Variants in SGK3 observed in about 807,000 individuals in gnomAD.
SGK3 encodes serine/threonine-protein kinase Sgk3.
In SGK3, 47 loss-of-function variants were observed where a neutral mutation model predicts 68.5. The observed-to-expected ratio is 0.69, with a 90% CI of 0.54 to 0.87. The LOEUF is 0.87. Ranked by LOEUF, SGK3 falls within the 40% of genes least tolerant of loss-of-function variation. SGK3 has a pLI of 0.00. For missense variants in SGK3, 479 were observed against 575.5 expected (o/e 0.83, Z 1.72); for synonymous variants, 181 against 189.1 (o/e 0.96, Z 0.35).
chr8:66,790,573 C>A (rs1017337037), intron 1 of SGK3: 1 of 152,212 alleles, frequency 6.6e-6, no homozygotes, highest in Non-Finnish European at 1.5e-5. Flanking sequence ...CCCTAGACAT[C>A]AAACCCTGGG....
chr8:66,734,228 C>CTTTTT (rs529741200), intron 1 of SGK3, among the ~76,000 whole-genome samples: 46 of 104,162 alleles, frequency 4.4e-4, no homozygotes, highest in East Asian at 1.2e-3. Flanking sequence ...CTTTTTCTTT[C>CTTTTT]TTTTTTTTTT....
Position 66,847,188 on chromosome 8 carries a change from TCCAGC to T in SGK3, c.1075-3_1076del. ...TAAGTTTATTTTGCTTTTTTTTTTTTCCAGCCTCCTTTTTATTGCCGAGATGTTGC... is the reference window on the plus strand; with the variant it reads ...TAAGTTTATTTTGCTTTTTTTTTTTTCTCCTTTTTATTGCCGAGATGTTGC... On this transcript the variant is annotated splice_acceptor_variant and splice_polypyrimidine_tract_variant and coding_sequence_variant and intron_variant, in exon 15 of 17. Coordinates refer to ENST00000521198, the MANE Select transcript of SGK3 (RefSeq NM_001033578.3). LOFTEE classifies it high-confidence loss of function. 2 of 1,584,754 alleles carry T rather than the reference TCCAGC, an allele frequency of 1.3e-6. No individual in the cohort carries two copies. Among genetic ancestry groups the T allele is most frequent in the African/African-American group, 1.4e-5 (1 of 72,928 alleles).
chr8:66,770,091 C>T (rs1585690742), intron 1 of SGK3, among the ~76,000 whole-genome samples: 1 of 152,060 alleles, frequency 6.6e-6, no homozygotes, highest in East Asian at 1.9e-4. Context: ...GTAGCTGGGA[C>T]TACAGGCGTG....
intron 1 of SGK3, among the ~76,000 whole-genome samples, chr8:66,773,687 A>G (rs6983632): frequency 0.13 from 19,715 of 152,154 alleles, 2,425 homozygotes; most frequent in African/African-American, 0.32. Context: ...CTGACGTGAT[A>G]ATGGAGATGC....
At chr8:66,839,401 A>G (rs1484038623) in intron 10 of SGK3, among the ~76,000 whole-genome samples, 9 of 147,832 alleles carry the variant, frequency 6.1e-5, no homozygotes, top group African/African-American at 2.2e-4. Flanking sequence ...AACTAAAACC[A>G]TGAATTTTTA....
At chr8:66,811,235 C>G in intron 4 of SGK3, among the ~76,000 whole-genome samples, 1 of 152,142 alleles carries the variant, frequency 6.6e-6, no homozygotes. Flanking sequence ...CCAGGCTAGT[C>G]TCAAACTCCT....
chr8:66,853,032 T>C (rs527888124), intron 16 of SGK3, among the ~76,000 whole-genome samples: 168 of 152,364 alleles, frequency 1.1e-3, no homozygotes, highest in African/African-American at 3.9e-3. Context: ...GAAGTTAAGC[T>C]TCTCTATACT....
intron 1 of SGK3, among the ~76,000 whole-genome samples, chr8:66,780,872 T>C (rs144113031): frequency 6.6e-6 from 1 of 151,868 alleles, no homozygotes; most frequent in Non-Finnish European, 1.5e-5. Flanking sequence ...GGGGAAAAAA[T>C]GGATTGGAGG....
chr8:66,834,465 G>A (rs891335163), intron 8 of SGK3, among the ~76,000 whole-genome samples: 1 of 118,344 alleles, frequency 8.4e-6, no homozygotes, highest in Non-Finnish European at 1.6e-5. Context: ...TACTGGCAGG[G>A]TTTTGTTTTG....
chr8:66,757,676 G>A (rs552427561), intron 1 of SGK3, among the ~76,000 whole-genome samples: 53 of 150,088 alleles, frequency 3.5e-4, no homozygotes, highest in African/African-American at 1.3e-3. Context: ...GCACTTTGGG[G>A]GGCTGAGGTG....
intron 3 of SGK3, among the ~76,000 whole-genome samples, chr8:66,803,312 G>A (rs1808021895): frequency 6.6e-6 from 1 of 152,088 alleles, no homozygotes; most frequent in Non-Finnish European, 1.5e-5. Flanking sequence ...AGTTAGAGGT[G>A]TTGTTTTTGG....
intron 1 of SGK3, among the ~76,000 whole-genome samples, chr8:66,729,805 C>T (rs185312484): frequency 9.2e-5 from 14 of 151,908 alleles, no homozygotes; most frequent in East Asian, 2.0e-4. Context: ...AGTACAGTGG[C>T]GCGATCTTGG....
At chr8:66,713,172 T>G (rs577442536) in intron 1 of SGK3, among the ~76,000 whole-genome samples, 18 of 152,182 alleles carry the variant, frequency 1.2e-4, no homozygotes, top group Admixed American at 9.8e-4. Context: ...CCTGCGAGGG[T>G]CGGGGAGGGG....
chr8:66,857,817 G>A (rs972755282), intron 16 of SGK3, among the ~76,000 whole-genome samples: 53 of 147,482 alleles, frequency 3.6e-4, no homozygotes, highest in African/African-American at 1.4e-3. Context: ...GTGTGTGTGT[G>A]TGTGTGTGTG....
chr8:66,762,644 C>T (rs144306817), intron 1 of SGK3, among the ~76,000 whole-genome samples: 47 of 152,212 alleles, frequency 3.1e-4, no homozygotes, highest in Admixed American at 4.6e-4. Flanking sequence ...CAAATTGCCT[C>T]ATAATTTTTT....
chr8:66,851,062 T>C, intron 16 of SGK3, 142 bp downstream of exon 16: 1 of 883,300 alleles, frequency 1.1e-6, no homozygotes. Flanking sequence ...CTCAGGGTTG[T>C]CTAGTATAAC....
intron 13 of SGK3, among the ~76,000 whole-genome samples, chr8:66,841,519 TCA>T (rs1182965848): frequency 6.6e-6 from 1 of 152,220 alleles, no homozygotes; most frequent in African/African-American, 2.4e-5. Context: ...CAACATTGAA[TCA>T]CACACTTTAA....
intron 1 of SGK3, among the ~76,000 whole-genome samples, chr8:66,759,255 T>A (rs1806082074): frequency 6.7e-6 from 1 of 150,126 alleles, no homozygotes; most frequent in Admixed American, 6.7e-5. Flanking sequence ...CCAGCTAATT[T>A]TTTATTTTTA....
At chr8:66,723,131 A>ATATATATATAT (rs1554591219) in intron 1 of SGK3, among the ~76,000 whole-genome samples, 1 of 29,496 alleles carries the variant, frequency 3.4e-5, no homozygotes, top group African/African-American at 1.2e-4. Context: ...ATATATATAT[A>ATATATATATAT]TTTTTTTTTT....
Sources: gnomAD v4.1 joint callset for allele counts (sites outside exome capture counted in the v4.1 genomes callset) on GRCh38, gnomAD v4.1.1 for gene constraint, MANE v1.5 for transcripts, NCBI Gene and HGNC (gene_info 2026-07-23, HGNC 2026-07-21) for gene names.